The following PCDH11X variants were observed in gnomAD, a reference collection of about 807,000 sequenced individuals.
PCDH11X encodes the protein protocadherin-11 X-linked.
In PCDH11X, 18 loss-of-function variants were observed where a neutral mutation model predicts 53.3. The observed-to-expected ratio is 0.34, with a 90% CI of 0.23 to 0.50. The LOEUF is 0.50. Among genes scored for constraint, PCDH11X ranks in the 20% least tolerant of loss-of-function variants. The pLI is 0.98. For missense variants in PCDH11X, 570 were observed against 1,032.4 expected (o/e 0.55, Z 6.14); for synonymous variants, 279 against 393.3 (o/e 0.71, Z 3.44).
intron 6 of PCDH11X, among the ~76,000 whole-genome samples, chrX:92,178,344 G>A (rs2065942789): frequency 9.0e-6 from 1 of 111,517 alleles, no homozygotes; most frequent in Non-Finnish European, 1.9e-5. Context: ...TTTATACATA[G>A]TATTGCATAA....
At chrX:92,019,021 C>T (rs1602691916) in intron 6 of PCDH11X, among the ~76,000 whole-genome samples, 1 of 111,177 alleles carries the variant, frequency 9.0e-6, no homozygotes, top group South Asian at 3.9e-4. Flanking sequence ...CCAGGTGGAA[C>T]AGCTAACACT....
chrX:92,114,208 G>A, intron 6 of PCDH11X: 4 of 1,078,611 alleles, frequency 3.7e-6, no homozygotes, highest in Non-Finnish European at 5.2e-6. Context: ...TATGGCAAAT[G>A]TGGCCATTTT....
At chrX:91,921,077 G>C (rs1316155764) in intron 6 of PCDH11X, among the ~76,000 whole-genome samples, 2 of 111,849 alleles carry the variant, frequency 1.8e-5, no homozygotes, top group African/African-American at 3.2e-5. Flanking sequence ...TGGTTCATCT[G>C]TGGGTGAATT....
At chrX:91,996,017 T>G (rs1416556394) in intron 6 of PCDH11X, among the ~76,000 whole-genome samples, 2 of 107,399 alleles carry the variant, frequency 1.9e-5, no homozygotes, top group Non-Finnish European at 3.9e-5. Context: ...ATTTTTTGTA[T>G]TTTTTAGTAG....
chrX:92,360,733 A>G (rs1271821288), intron 8 of PCDH11X, among the ~76,000 whole-genome samples: 1 of 110,733 alleles, frequency 9.0e-6, no homozygotes, highest in Non-Finnish European at 1.9e-5. Flanking sequence ...TAGTGTCTAT[A>G]TGCTGCAGGC....
intron 6 of PCDH11X, among the ~76,000 whole-genome samples, chrX:91,902,873 T>G (rs965902430): frequency 1.8e-5 from 2 of 109,706 alleles, no homozygotes; most frequent in African/African-American, 6.6e-5. Flanking sequence ...AACAACATTT[T>G]TTTTTCTGAC....
chrX:92,490,471 A>G (rs755001012), intron 10 of PCDH11X, among the ~76,000 whole-genome samples: 3 of 111,501 alleles, frequency 2.7e-5, no homozygotes, highest in African/African-American at 9.7e-5. Context: ...TGGATGCAGG[A>G]TGAAGTTATG....
At chrX:92,427,261 G>A (rs370276472) in intron 9 of PCDH11X, among the ~76,000 whole-genome samples, 1 of 105,739 alleles carries the variant, frequency 9.5e-6, no homozygotes, top group African/African-American at 3.5e-5. Flanking sequence ...AATTCTAAAA[G>A]CATTAAGTTT....
chrX:92,306,663 C>A (rs1164416530), intron 8 of PCDH11X, among the ~76,000 whole-genome samples: 12 of 109,305 alleles, frequency 1.1e-4, no homozygotes, highest in Admixed American at 3.9e-4. Flanking sequence ...AACTCTTGAC[C>A]AGGCGCCGTG....
chrX:92,467,524 T>C (rs1488434693), intron 9 of PCDH11X, among the ~76,000 whole-genome samples: 1 of 111,397 alleles, frequency 9.0e-6, no homozygotes, highest in East Asian at 2.8e-4. Flanking sequence ...TTGAGAGTCA[T>C]CTGCCCAGAT....
chrX:92,039,503 GC>G (rs1200035242), intron 6 of PCDH11X, among the ~76,000 whole-genome samples: 1 of 109,786 alleles, frequency 9.1e-6, no homozygotes, highest in Non-Finnish European at 1.9e-5. Flanking sequence ...ACCACCACCA[GC>G]CCACAGGGAT....
chrX:92,539,649 T>C (rs2074723788), intron 10 of PCDH11X, among the ~76,000 whole-genome samples: 1 of 111,772 alleles, frequency 8.9e-6, no homozygotes, highest in Admixed American at 9.5e-5. Flanking sequence ...ATTATCCTGA[T>C]TGCTTATGGA....
rs539271210 is a variant in PCDH11X at position 92,617,738 on chromosome X, A to C, written c.3368-526A>C. On this transcript the variant is annotated intron_variant, in intron 10 of 10. Coordinates refer to ENST00000682573, the MANE Select transcript of PCDH11X (RefSeq NM_032968.5). ...GATTCCAGCAAATAAAGGATACCGAAATCACTTATTTTTGAAATAATTATG... is the reference window on the plus strand; with the variant it reads ...GATTCCAGCAAATAAAGGATACCGACATCACTTATTTTTGAAATAATTATG... 7.7e-3 allele frequency among the ~76,000 whole-genome samples: 861 copies of C among 111,389 alleles called. 4 individuals carry two copies. Among genetic ancestry groups the C allele is most frequent in the South Asian group, 0.017 (44 of 2,662 alleles).
intron 6 of PCDH11X, among the ~76,000 whole-genome samples, chrX:92,148,016 C>T (rs1299319475): frequency 4.6e-4 from 31 of 66,948 alleles, no homozygotes; most frequent in African/African-American, 2.0e-3. Context: ...TTTTTCTTTC[C>T]TTCCTTCCTT....
At chrX:92,347,799 T>G (rs2069938531) in intron 8 of PCDH11X, among the ~76,000 whole-genome samples, 1 of 112,060 alleles carries the variant, frequency 8.9e-6, no homozygotes, top group South Asian at 3.7e-4. Context: ...AGTATATACA[T>G]AGTAGATTCC....
intron 6 of PCDH11X, among the ~76,000 whole-genome samples, chrX:91,921,485 C>A (rs1471065902): frequency 1.9e-5 from 2 of 106,910 alleles, no homozygotes; most frequent in Non-Finnish European, 3.9e-5. Context: ...TATTCCACAA[C>A]CCCTGGCAAC....
intron 9 of PCDH11X, among the ~76,000 whole-genome samples, chrX:92,444,703 G>T (rs1217143090): frequency 1.0e-5 from 1 of 98,756 alleles, no homozygotes; most frequent in Non-Finnish European, 2.0e-5. Context: ...TTGTTTTAAG[G>T]TGTGTTCCTT....
chrX:91,904,160 A>G (rs1332811729), intron 6 of PCDH11X, among the ~76,000 whole-genome samples: 1 of 111,241 alleles, frequency 9.0e-6, no homozygotes, highest in Non-Finnish European at 1.9e-5. Flanking sequence ...AGGAAATAGT[A>G]TATGATAAAG....
At chrX:91,816,011 C>A (rs1936438707) in intron 4 of PCDH11X, among the ~76,000 whole-genome samples, 1 of 108,033 alleles carries the variant, frequency 9.3e-6, no homozygotes, top group Non-Finnish European at 1.9e-5. Flanking sequence ...GCCTGTAATC[C>A]CAGCTACTTG....
Sources: gnomAD v4.1 joint callset for allele counts (sites outside exome capture counted in the v4.1 genomes callset) on GRCh38, gnomAD v4.1.1 for gene constraint, MANE v1.5 for transcripts, NCBI Gene and HGNC (gene_info 2026-07-23, HGNC 2026-07-21) for gene names.